CALN1: variants seen among roughly 807,000 people sequenced by gnomAD.
CALN1 encodes the protein calcium-binding protein 8.
A neutral mutation model predicts 30.6 loss-of-function variants in CALN1; 17 were observed. That is an observed-to-expected ratio of 0.56 (90% CI 0.38 to 0.83). CALN1 has a LOEUF of 0.83. Ranked by LOEUF, CALN1 falls within the 40% of genes least tolerant of loss-of-function variation. The pLI is 0.00. For missense variants in CALN1, 291 were observed against 354.9 expected (o/e 0.82, Z 1.45); for synonymous variants, 156 against 131.4 (o/e 1.19, Z -1.28).
At position 71,985,558 on chromosome 7, in the gene CALN1, G is replaced by A. The variant is rs1798619736; in HGVS notation, c.501+38099C>T. Among the ~76,000 whole-genome samples the A allele has an allele frequency of 2.8e-5, 4 of 144,388 alleles. 1 individual carries two copies. In the South Asian group the frequency reaches 9.1e-4, roughly 33 times the overall value. 94.7% of individuals were successfully genotyped at this position (144,388 alleles called of 152,430 possible). A position where few individuals can be genotyped will look rare whatever the true frequency, so the allele number is the denominator to read the frequency against. ...GTATTCCCAATAACACAGTCCTAAA[G>A]AAACTCATGCTGTACAGGTAGTTTT... is the stretch of plus-strand genomic sequence containing the variant. On this transcript the variant is annotated intron_variant, in intron 5 of 6. Coordinates refer to ENST00000395275, the MANE Select transcript of CALN1 (RefSeq NM_031468.4).
At chr7:72,070,641 T>C (rs1293179739) in intron 4 of CALN1, among the ~76,000 whole-genome samples, 1 of 152,200 alleles carries the variant, frequency 6.6e-6, no homozygotes, top group East Asian at 1.9e-4. Context: ...TTTAATTTTG[T>C]ATCCAAAACT....
At chr7:72,141,206 G>A (rs1221324962) in intron 3 of CALN1, among the ~76,000 whole-genome samples, 1 of 152,108 alleles carries the variant, frequency 6.6e-6, no homozygotes, top group African/African-American at 2.4e-5. Context: ...GCTGAGGTGG[G>A]AGCATCACTT....
chr7:72,465,138 G>C, the CALN1 span, among the ~76,000 whole-genome samples: 1 of 152,146 alleles, frequency 6.6e-6, no homozygotes, highest in Non-Finnish European at 1.5e-5. Flanking sequence ...ACTTGAGAAA[G>C]AGGAAAGAAT....
intron 5 of CALN1, among the ~76,000 whole-genome samples, chr7:71,872,603 C>T (rs1791999941): frequency 1.4e-5 from 2 of 146,434 alleles, no homozygotes; most frequent in Non-Finnish European, 1.5e-5. Flanking sequence ...GCTTTATTTA[C>T]TTTTCTTTCT....
chr7:71,996,560 T>A (rs1162784244), intron 5 of CALN1, among the ~76,000 whole-genome samples: 1 of 152,222 alleles, frequency 6.6e-6, no homozygotes, highest in East Asian at 1.9e-4. Context: ...AAGGACATGA[T>A]CTCATTCTGT....
rs190257354 is a variant in CALN1 at position 71,971,177 on chromosome 7, G to A, written c.501+52480C>T. On this transcript the variant is annotated intron_variant, in intron 5 of 6. Coordinates refer to ENST00000395275, the MANE Select transcript of CALN1 (RefSeq NM_031468.4). Reference sequence around the variant, plus strand: ...AAAGAAAGGAGATGAGGCCAGGCGTGGTGGCTCATGCCTGTAATCCCAGCG... The same window carrying A: ...AAAGAAAGGAGATGAGGCCAGGCGTAGTGGCTCATGCCTGTAATCCCAGCG... Among the ~76,000 whole-genome samples the A allele has an allele frequency of 1.6e-4, 24 of 152,342 alleles. No homozygotes were observed. In the East Asian group the frequency reaches 4.6e-3, roughly 29 times the overall value.
chr7:72,019,806 G>A (rs1370630642), intron 5 of CALN1, among the ~76,000 whole-genome samples: 2 of 152,178 alleles, frequency 1.3e-5, no homozygotes, highest in Non-Finnish European at 2.9e-5. Flanking sequence ...AACTAAGTGA[G>A]ATAGAAAATA....
chr7:72,097,345 C>T (rs747522693), intron 4 of CALN1, among the ~76,000 whole-genome samples: 3 of 152,204 alleles, frequency 2.0e-5, no homozygotes, highest in Non-Finnish European at 2.9e-5. Flanking sequence ...CAGTCAAATA[C>T]ATCCCTTAGG....
At chr7:71,982,720 G>T (rs913023347) in intron 5 of CALN1, among the ~76,000 whole-genome samples, 1 of 152,148 alleles carries the variant, frequency 6.6e-6, no homozygotes, top group Non-Finnish European at 1.5e-5. Flanking sequence ...AGATAGTGAG[G>T]GTAAGGAAGT....
intron 3 of CALN1, among the ~76,000 whole-genome samples, chr7:72,127,617 G>A (rs1808858695): frequency 6.6e-6 from 1 of 152,126 alleles, no homozygotes; most frequent in Non-Finnish European, 1.5e-5. Flanking sequence ...CTGAAAACTG[G>A]GGTTTGGGAT....
At chr7:72,338,847 T>C (rs1194973147) in intron 2 of CALN1, among the ~76,000 whole-genome samples, 1 of 152,054 alleles carries the variant, frequency 6.6e-6, no homozygotes, top group East Asian at 1.9e-4. Flanking sequence ...ATATGAGTTA[T>C]TGACTATAGT....
chr7:72,072,146 T>C (rs958333504), intron 4 of CALN1, among the ~76,000 whole-genome samples: 1 of 152,160 alleles, frequency 6.6e-6, no homozygotes, highest in Non-Finnish European at 1.5e-5. Flanking sequence ...TGATGAAAGA[T>C]ATTAATATCA....
At chr7:72,298,893 C>CT (rs900149046) in intron 2 of CALN1, among the ~76,000 whole-genome samples, 2 of 152,000 alleles carry the variant, frequency 1.3e-5, no homozygotes, top group African/African-American at 4.8e-5. Context: ...TCGTGACTTG[C>CT]TCCTCCTTGC....
intron 2 of CALN1, among the ~76,000 whole-genome samples, chr7:72,360,880 T>C (rs1046087373): frequency 2.7e-4 from 41 of 151,646 alleles, no homozygotes; most frequent in South Asian, 4.2e-4. Flanking sequence ...AGGTGCACAC[T>C]ACCATGCCGG....
chr7:72,399,562 C>T (rs1806200490), intron 2 of CALN1, among the ~76,000 whole-genome samples: 1 of 152,154 alleles, frequency 6.6e-6, no homozygotes, highest in Admixed American at 6.5e-5. Flanking sequence ...AGCCACCGTG[C>T]CTGACCTAAC....
At chr7:71,930,477 CTA>C (rs1795493415) in intron 5 of CALN1, among the ~76,000 whole-genome samples, 1 of 152,168 alleles carries the variant, frequency 6.6e-6, no homozygotes, top group Non-Finnish European at 1.5e-5. Context: ...CTTTATAAAG[CTA>C]TATGATTTGC....
chr7:72,298,833 G>A (rs552553889), intron 2 of CALN1, among the ~76,000 whole-genome samples: 30 of 151,268 alleles, frequency 2.0e-4, no homozygotes, highest in Admixed American at 1.5e-3. Flanking sequence ...GGAGGGGTGC[G>A]GAGTTTCCCT....
At chr7:72,136,099 C>A (rs1251463891) in intron 3 of CALN1, among the ~76,000 whole-genome samples, 3 of 145,868 alleles carry the variant, frequency 2.1e-5, no homozygotes, top group African/African-American at 7.8e-5. Context: ...TGCACCACTG[C>A]ATTCCAGCCT....
intron 5 of CALN1, among the ~76,000 whole-genome samples, chr7:71,813,422 G>A (rs1426665496): frequency 6.6e-6 from 1 of 152,104 alleles, no homozygotes; most frequent in Admixed American, 6.6e-5. Context: ...ACAAATCAAT[G>A]CCTCTTTAAA....
Sources: allele counts gnomAD v4.1 joint callset (sites outside exome capture counted in the v4.1 genomes callset), GRCh38; gene constraint gnomAD v4.1.1; transcripts MANE v1.5; gene names NCBI Gene and HGNC (gene_info 2026-07-23, HGNC 2026-07-21).